Variants in CPNE4 observed in about 807,000 individuals in gnomAD.
CPNE4 encodes copine 4.
A neutral mutation model predicts 67.9 loss-of-function variants in CPNE4; 25 were observed. The ratio of observed to expected loss-of-function variants is 0.37; its 90% CI spans 0.27 to 0.51. The LOEUF (loss-of-function observed/expected upper bound fraction) is 0.51, where lower values mean the gene tolerates loss of function less well. Among genes scored for constraint, CPNE4 ranks in the 20% least tolerant of loss-of-function variants. The pLI is 0.93. For synonymous variants in CPNE4, 242 were observed against 244.9 expected, an observed-to-expected ratio of 0.99 and a Z score of 0.11; for missense variants, 464 against 690.8, an observed-to-expected ratio of 0.67 and a Z score of 3.68.
chr3:131,993,565 C>T (rs983310271), intron 1 of CPNE4, among the ~76,000 whole-genome samples: 1 of 129,510 alleles, frequency 7.7e-6, no homozygotes, highest in Non-Finnish European at 1.7e-5. Context: ...CTGCATAAGA[C>T]CAACATCCTA....
chr3:131,972,151 A>G (rs2072520434), intron 1 of CPNE4, among the ~76,000 whole-genome samples: 1 of 152,212 alleles, frequency 6.6e-6, no homozygotes, highest in Admixed American at 6.5e-5. Flanking sequence ...AACAAAAAGA[A>G]ATACCTATCT....
chr3:131,792,230 C>A (rs1167272393), intron 2 of CPNE4, among the ~76,000 whole-genome samples: 1 of 152,016 alleles, frequency 6.6e-6, no homozygotes, highest in Non-Finnish European at 1.5e-5. Context: ...AAAAATCAAT[C>A]AGCAAAATTA....
upstream of CPNE4, chr3:132,035,561 G>C (rs550017854): frequency 1.8e-4 from 28 of 152,298 alleles, no homozygotes; most frequent in East Asian, 3.7e-3. Context: ...GAAATACTTA[G>C]GGAGTACTTA....
chr3:131,698,901 C>A (rs760293715), intron 4 of CPNE4, among the ~76,000 whole-genome samples: 12 of 97,644 alleles, frequency 1.2e-4, no homozygotes, highest in Non-Finnish European at 1.9e-4. Flanking sequence ...CAGGCTGAGA[C>A]ACTGTCTCAA....
chr3:131,677,448 T>C (rs893130762), intron 6 of CPNE4, among the ~76,000 whole-genome samples: 4 of 152,318 alleles, frequency 2.6e-5, no homozygotes, highest in African/African-American at 9.6e-5. Context: ...AGATCCCATT[T>C]GTCAATTTTT....
At chr3:131,536,541 C>G in intron 15 of CPNE4, among the ~76,000 whole-genome samples, 1 of 152,220 alleles carries the variant, frequency 6.6e-6, no homozygotes, top group South Asian at 2.1e-4. Flanking sequence ...TTTTTCTTTT[C>G]TATGTGGCTT....
chr3:131,593,568 G>A (rs758017748), intron 7 of CPNE4, among the ~76,000 whole-genome samples: 8 of 151,860 alleles, frequency 5.3e-5, no homozygotes, highest in East Asian at 1.9e-4. Flanking sequence ...GTTTATTTTC[G>A]TGAAGCCGTT....
chr3:131,676,691 T>A (rs140813787), intron 6 of CPNE4, among the ~76,000 whole-genome samples: 1,966 of 152,254 alleles, frequency 0.013, 28 homozygotes, highest in Non-Finnish European at 0.017. Context: ...GCTCCATCCA[T>A]GTCCTTGCAA....
intron 15 of CPNE4, chr3:131,537,444 C>T (rs1453196511): frequency 6.2e-6 from 1 of 160,242 alleles, no homozygotes; most frequent in African/African-American, 2.4e-5. Flanking sequence ...CCACCGTGCC[C>T]AGCTAATTTT....
rs113391239 is a variant in CPNE4 at position 131,685,865 on chromosome 3, T to C, written c.591+10A>G. 2.8e-5 allele frequency: 45 copies of C among 1,589,222 alleles called. 1 individual carries two copies. In the African/African-American group the frequency reaches 3.5e-4, roughly 12 times the overall value. ...GGAGATAAGAGGGCATAGCTGAAGA[T>C]GACTCTTACCTCAGTTCGGTGCACC... On this transcript the variant is annotated intron_variant, in intron 6 of 15. Coordinates refer to ENST00000429747, the MANE Select transcript of CPNE4 (RefSeq NM_130808.3).
intron 1 of CPNE4, among the ~76,000 whole-genome samples, chr3:131,982,889 A>G (rs915392242): frequency 3.3e-5 from 5 of 152,080 alleles, no homozygotes; most frequent in Non-Finnish European, 5.9e-5. Context: ...TGCCTACATT[A>G]TCATCATGGA....
At chr3:131,678,240 G>T (rs545850221) in intron 6 of CPNE4, among the ~76,000 whole-genome samples, 1 of 152,022 alleles carries the variant, frequency 6.6e-6, no homozygotes, top group African/African-American at 2.4e-5. Context: ...TGGCTTGATT[G>T]TTGTTGGTGT....
chr3:131,903,141 G>T (rs2088613525), intron 2 of CPNE4, among the ~76,000 whole-genome samples: 1 of 152,106 alleles, frequency 6.6e-6, no homozygotes, highest in Admixed American at 6.6e-5. Context: ...TAGAGTGGAA[G>T]ACTGTCTCTT....
At chr3:132,033,134 T>G (rs1388629304) in intron 1 of CPNE4, among the ~76,000 whole-genome samples, 1 of 152,274 alleles carries the variant, frequency 6.6e-6, no homozygotes, top group South Asian at 2.1e-4. Context: ...CCTGTGTATG[T>G]GTGCGCGCGG....
chr3:131,641,923 C>T (rs1418831252), intron 7 of CPNE4, among the ~76,000 whole-genome samples: 1 of 152,132 alleles, frequency 6.6e-6, no homozygotes, highest in Non-Finnish European at 1.5e-5. Flanking sequence ...ACCAAACATC[C>T]TATGTTCTCA....
intron 1 of CPNE4, among the ~76,000 whole-genome samples, chr3:131,952,154 T>C (rs2071754408): frequency 6.8e-6 from 1 of 147,904 alleles, no homozygotes; most frequent in Non-Finnish European, 1.5e-5. Context: ...ATCTAGGAAG[T>C]GAGGAGCATC....
At chr3:131,785,730 T>C (rs1054964837) in intron 2 of CPNE4, among the ~76,000 whole-genome samples, 4 of 151,808 alleles carry the variant, frequency 2.6e-5, no homozygotes, top group African/African-American at 9.7e-5. Context: ...GTTTTGTCAT[T>C]TTGTCTGTGA....
At chr3:131,926,315 A>G (rs2070892800) in intron 1 of CPNE4, among the ~76,000 whole-genome samples, 1 of 152,206 alleles carries the variant, frequency 6.6e-6, no homozygotes, top group Non-Finnish European at 1.5e-5. Flanking sequence ...TTGTAAAAAA[A>G]CAAAGACAAT....
intron 1 of CPNE4, among the ~76,000 whole-genome samples, chr3:132,026,219 C>T (rs558523841): frequency 1.3e-5 from 2 of 152,262 alleles, no homozygotes; most frequent in South Asian, 2.1e-4. Flanking sequence ...CCCAGAGTGA[C>T]AGAGGGAGTA....
Sources: gnomAD v4.1 joint callset for allele counts (sites outside exome capture counted in the v4.1 genomes callset) on GRCh38, gnomAD v4.1.1 for gene constraint, MANE v1.5 for transcripts, NCBI Gene and HGNC (gene_info 2026-07-23, HGNC 2026-07-21) for gene names.